Variants in KCNN4 observed in about 807,000 individuals in gnomAD.
KCNN4 encodes intermediate conductance calcium-activated potassium channel protein 4.
KCNN4 carries 31 observed loss-of-function variants against 45.2 expected under a neutral mutation model. That is an observed-to-expected ratio of 0.69 (90% confidence interval 0.52 to 0.92). The LOEUF (loss-of-function observed/expected upper bound fraction) is 0.92, where lower values mean the gene tolerates loss of function less well. Ranked by LOEUF, KCNN4 falls within the 40% of genes least tolerant of loss-of-function variation. The pLI is 0.00. For missense variants in KCNN4, 463 were observed against 574.0 expected, an observed-to-expected ratio of 0.81 and a Z score of 1.98; for synonymous variants, 231 against 254.6, an observed-to-expected ratio of 0.91 and a Z score of 0.88.
rs752541545 is a variant in KCNN4, at chr19:43,769,311, TG to T, written c.1049+130del. The T allele has an allele frequency of 1.3e-6, 1 of 761,246 alleles. No homozygotes were observed. Among genetic ancestry groups the T allele is most frequent in the South Asian group, 1.5e-5 (1 of 64,750 alleles). The allele number at this position is 761,246 out of a possible 1,614,324, so 47.2% of individuals were successfully genotyped here. On this transcript the variant is annotated intron_variant, in intron 6 of 8. Coordinates refer to ENST00000648319, the MANE Select transcript of KCNN4 (RefSeq NM_002250.3). This position sits in a 1 kb window ranked among gnomAD's most constrained non-coding sequence, Gnocchi z 4.4. ...TGCACGGTCAGATCCAGGTGAGACC[TG>T]GATGTTGAGTGAGACCACACCTGGG... is the stretch of plus-strand genomic sequence containing the variant.
At chr19:43,771,940 T>G in intron 4 of KCNN4, 60 bp downstream of exon 4, 3 of 1,518,070 alleles carry the variant, frequency 2.0e-6, no homozygotes, top group Non-Finnish European at 1.8e-6. Context: ...CATGGCTTCC[T>G]GGGGCCAGAG....
rs199965433 is a variant in KCNN4, at chr19:43,780,694, C to T, written c.159+9G>A. 11 of 1,612,328 alleles carry T rather than the reference C, an allele frequency of 6.8e-6. No individual in the cohort carries two copies. Among genetic ancestry groups the T allele is most frequent in the Non-Finnish European group, 9.3e-6 (11 of 1,179,174 alleles). ...GAGTCCCAGCTCCCAGCCACCATGC[C>T]CCACTCACCGAGCACCCCCCGAACC... On this transcript the variant is annotated intron_variant, in intron 1 of 8. Coordinates refer to ENST00000648319, the MANE Select transcript of KCNN4 (RefSeq NM_002250.3).
At chr19:43,768,021 A>G (rs1028058178) in intron 7 of KCNN4, among the ~76,000 whole-genome samples, 1 of 152,242 alleles carries the variant, frequency 6.6e-6, no homozygotes, top group Non-Finnish European at 1.5e-5. Context: ...CCTAGAACAT[A>G]GCAGGTGCTC....
intron 7 of KCNN4, among the ~76,000 whole-genome samples, chr19:43,768,584 T>G (rs1367995885): frequency 6.6e-6 from 1 of 152,246 alleles, no homozygotes; most frequent in Non-Finnish European, 1.5e-5. Context: ...GTTGTTCATT[T>G]TAATTGTATT....
chr19:43,771,948 G>A, intron 4 of KCNN4, 52 bp downstream of exon 4: 2 of 1,535,416 alleles, frequency 1.3e-6, no homozygotes, highest in Non-Finnish European at 1.8e-6. Context: ...CCTGGGGCCA[G>A]AGGATGACCA....
chr19:43,776,489 G>T, intron 2 of KCNN4, 52 bp downstream of exon 2: 2 of 1,227,884 alleles, frequency 1.6e-6, no homozygotes, highest in South Asian at 1.2e-5. Context: ...TGAGCTGACA[G>T]GGCGCTGAGG....
At chr19:43,771,422 G>T (rs1969639972) in intron 4 of KCNN4, among the ~76,000 whole-genome samples, 1 of 152,192 alleles carries the variant, frequency 6.6e-6, no homozygotes, top group Non-Finnish European at 1.5e-5. Context: ...AGGAAAGTGA[G>T]GCCCCGAGAG....
chr19:43,766,763 C>T lies in KCNN4; in HGVS notation c.*330G>A, dbSNP rs944898400. On this transcript the variant is annotated 3_prime_UTR_variant, in exon 9 of 9. Transcript: ENST00000648319. The stretch of plus-strand genomic sequence containing the variant: ...TCCGGGCCCCTAGTACCCTCTTTCC[C>T]AGGGACCCAGGAGTCCTGCCTCCAG... 6.6e-6 allele frequency: 1 copy of T among 152,634 alleles called. No homozygotes were observed. The highest frequency in any genetic ancestry group is 6.6e-5 in the Admixed American group (1 of 15,266). 9.5% of individuals were successfully genotyped at this position (152,634 alleles called of 1,614,324 possible). A position where few individuals can be genotyped will look rare whatever the true frequency, so the allele number is the denominator to read the frequency against.
rs1448940452 is a variant in KCNN4 at position 43,774,815 on chromosome 19, C to A, written c.256-196G>T. ...GACATCTTTCCACTTTTTCCTCCTT[C>A]CCCACCACCCACCCCACTAGTTTCA... On this transcript the variant is annotated intron_variant, in intron 2 of 8. Coordinates refer to ENST00000648319, the MANE Select transcript of KCNN4 (RefSeq NM_002250.3). The surrounding 1 kb of genome is among the most constrained non-coding windows in gnomAD (Gnocchi z 5.6). 6.6e-6 allele frequency among the ~76,000 whole-genome samples: 1 copy of A among 152,090 alleles called. No homozygotes were observed. The highest frequency in any genetic ancestry group is 1.5e-5 in the Non-Finnish European group (1 of 67,988).
chr19:43,771,590 C>T (rs761561081), intron 4 of KCNN4, among the ~76,000 whole-genome samples: 5 of 152,118 alleles, frequency 3.3e-5, no homozygotes, highest in South Asian at 4.1e-4. Flanking sequence ...AATGGGGCTG[C>T]GAAGTCAGGA....
chr19:43,770,610 G>A (rs775454087), intron 4 of KCNN4, among the ~76,000 whole-genome samples: 4 of 152,208 alleles, frequency 2.6e-5, no homozygotes, highest in Non-Finnish European at 5.9e-5. Flanking sequence ...GACTGCCTGG[G>A]TTCCAAGCCC....
Position 43,772,066 on chromosome 19 carries a change from G to A in KCNN4, c.753C>T (p.Ile251=), listed in dbSNP as rs200350667. The part of the protein sequence containing the change: ...LWLIPITFLT[I]GYGDVVPGTM... The stretch of plus-strand genomic sequence containing the variant: ...TGCCCGGCACCACGTCACCATAGCC[G>A]ATGGTCAGGAATGTGATGGGGATCA... The change falls in exon 4 of 9, where the codon ATC becomes ATT. Residue 251 remains isoleucine (I), a synonymous_variant. Coordinates refer to ENST00000648319, the MANE Select transcript of KCNN4 (RefSeq NM_002250.3). The surrounding 1 kb of genome is among the most constrained non-coding windows in gnomAD (Gnocchi z 4.4). 94 of 1,613,554 alleles carry A rather than the reference G, an allele frequency of 5.8e-5. No individual in the cohort carries two copies. The East Asian group carries it at 1.3e-3, about 22-fold the overall frequency.
intron 7 of KCNN4, among the ~76,000 whole-genome samples, chr19:43,767,970 A>G (rs1323737852): frequency 6.6e-6 from 1 of 152,200 alleles, no homozygotes; most frequent in Non-Finnish European, 1.5e-5. Context: ...ACAGGCATGG[A>G]ACAGTTAAAT....
In KCNN4 at chr19:43,776,642, A is replaced by AG. The variant is rs765201239; in HGVS notation, c.160-7dup. ...AGGAACAGGTAGAGCGCCCACTGTC[A>AG]GGGGGGACGGAAAAAGCGGTGTGAG... On this transcript the variant is annotated splice_region_variant and splice_polypyrimidine_tract_variant and intron_variant, in intron 1 of 8. Coordinates refer to ENST00000648319, the MANE Select transcript of KCNN4 (RefSeq NM_002250.3). The AG allele has an allele frequency of 2.5e-6, 4 of 1,600,294 alleles. No individual in the cohort carries two copies. Among genetic ancestry groups the AG allele is most frequent in the Non-Finnish European group, 2.6e-6 (3 of 1,167,582 alleles).
At chr19:43,777,314 T>TGTGTGTGG (rs1388385156) in intron 1 of KCNN4, among the ~76,000 whole-genome samples, 1 of 149,324 alleles carries the variant, frequency 6.7e-6, no homozygotes, top group African/African-American at 2.5e-5. Flanking sequence ...TGTGTGTGTG[T>TGTGTGTGG]GTGTGTGTGT....
Position 43,769,441 on chromosome 19 carries a change from C to G in KCNN4, c.1049+1G>C. 1 of 1,612,648 alleles carries G rather than the reference C, an allele frequency of 6.2e-7. No individual in the cohort carries two copies. Among genetic ancestry groups the G allele is most frequent in the Non-Finnish European group, 8.5e-7 (1 of 1,178,736 alleles). ...ACGTGTGCATACAAAGCGGCCCTCACGCGTTGATGGCGGCCAGCAGCTTGC... is the reference window on the plus strand; with the variant it reads ...ACGTGTGCATACAAAGCGGCCCTCAGGCGTTGATGGCGGCCAGCAGCTTGC... On this transcript the variant is annotated splice_donor_variant, in intron 6 of 8. Coordinates refer to ENST00000648319, the MANE Select transcript of KCNN4 (RefSeq NM_002250.3). LOFTEE classifies it high-confidence loss of function. This position sits in a 1 kb window ranked among gnomAD's most constrained non-coding sequence, Gnocchi z 4.4.
chr19:43,778,521 G>C (rs914782754), intron 1 of KCNN4, among the ~76,000 whole-genome samples: 7 of 152,230 alleles, frequency 4.6e-5, no homozygotes, highest in African/African-American at 1.4e-4. Flanking sequence ...TTACAGGCGT[G>C]AGCCACCGCG....
intron 2 of KCNN4, among the ~76,000 whole-genome samples, chr19:43,775,797 T>C (rs1182486173): frequency 4.6e-5 from 7 of 150,576 alleles, no homozygotes; most frequent in African/African-American, 1.5e-4. Context: ...AAGAGGGAGG[T>C]TATTGGCACA....
In KCNN4 at chr19:43,772,538, A is replaced by G. The variant is rs1599675550; in HGVS notation, c.684-403T>C. 6.6e-6 allele frequency among the ~76,000 whole-genome samples: 1 copy of G among 152,184 alleles called. No homozygotes were observed. The highest frequency in any genetic ancestry group is 1.9e-4 in the East Asian group (1 of 5,178). On this transcript the variant is annotated intron_variant, in intron 3 of 8. Coordinates refer to ENST00000648319, the MANE Select transcript of KCNN4 (RefSeq NM_002250.3). The surrounding 1 kb of genome is among the most constrained non-coding windows in gnomAD (Gnocchi z 4.4). ...TACATCCACCCAGAGGAAGGGGTAT[A>G]TTTTTCTAATTTCCACAAAGATGCT...
Sources: allele counts gnomAD v4.1 joint callset (sites outside exome capture counted in the v4.1 genomes callset), GRCh38; gene constraint gnomAD v4.1.1; non-coding constraint Gnocchi (gnomAD v3.1); transcripts MANE v1.5; gene names NCBI Gene and HGNC (gene_info 2026-07-23, HGNC 2026-07-21).